GIPC2: variants seen among roughly 807,000 people sequenced by gnomAD.
GIPC2 encodes PDZ domain-containing protein GIPC2.
GIPC2 carries 30 observed loss-of-function variants against 30.6 expected under a neutral mutation model. That is an observed-to-expected ratio of 0.98 (90% CI 0.73 to 1.33). GIPC2 has a LOEUF of 1.33. Ranked by LOEUF, GIPC2 falls within the 40% of genes most tolerant of loss-of-function variation. The pLI is 0.00. For synonymous variants in GIPC2, 167 were observed against 150.0 expected, an observed-to-expected ratio of 1.11 and a Z score of -0.83; for missense variants, 414 against 390.3, an observed-to-expected ratio of 1.06 and a Z score of -0.51.
chr1:78,067,448 TTTTC>T (rs966389751), intron 1 of GIPC2, among the ~76,000 whole-genome samples: 2 of 152,118 alleles, frequency 1.3e-5, no homozygotes, highest in African/African-American at 2.4e-5. Flanking sequence ...TTTCTTTTCT[TTTTC>T]TTTTCTTTCT....
At chr1:78,054,675 G>A (rs931637962) in intron 1 of GIPC2, among the ~76,000 whole-genome samples, 4 of 152,106 alleles carry the variant, frequency 2.6e-5, no homozygotes, top group African/African-American at 9.7e-5. Flanking sequence ...CCCCTCCTGA[G>A]CACCAGCCTC....
rs139646433 is a variant in GIPC2, at chr1:78,100,212, A to AT, written c.607+5081dup. Among the ~76,000 whole-genome samples the AT allele has an allele frequency of 1.5e-3, 222 of 152,332 alleles. 1 individual carries two copies. In the East Asian group the frequency reaches 0.033, roughly 23 times the overall value. On this transcript the variant is annotated intron_variant, in intron 3 of 5. Coordinates refer to ENST00000370759, the MANE Select transcript of GIPC2 (RefSeq NM_017655.6). ...AAGAGAAGAGAAATGGTTTGGAGGA[A>AT]TAGATGGTGGTGTGCTGGAGCCATT...
intron 3 of GIPC2, among the ~76,000 whole-genome samples, chr1:78,098,770 G>C (rs1034255812): frequency 6.6e-5 from 10 of 152,084 alleles, no homozygotes; most frequent in Non-Finnish European, 1.5e-4. Context: ...AATATGACTG[G>C]TGTACTTATT....
At position 78,117,972 on chromosome 1, in the gene GIPC2, TCTCACTGTGTTGCAATCATGG is replaced by T. The variant is rs1662600936; in HGVS notation, c.608-1413_608-1393del. ...CTTTTCTTTTCTTTCTTTCACAGGG[TCTCACTGTGTTGCAATCATGG>T]CTCACTGCAGCCTTGACCACCTGAG... On this transcript the variant is annotated intron_variant, in intron 3 of 5. Coordinates refer to ENST00000370759, the MANE Select transcript of GIPC2 (RefSeq NM_017655.6). 2.0e-5 allele frequency among the ~76,000 whole-genome samples: 3 copies of T among 151,952 alleles called. No homozygotes were observed. The South Asian group carries it at 6.3e-4, about 32-fold the overall frequency.
At chr1:78,081,439 T>A (rs1571494023) in intron 2 of GIPC2, among the ~76,000 whole-genome samples, 1 of 152,296 alleles carries the variant, frequency 6.6e-6, no homozygotes, top group African/African-American at 2.4e-5. Flanking sequence ...ATTGCCATTG[T>A]GTTAGGTATT....
chr1:78,132,698 T>TGTAG (rs1553146045), intron 5 of GIPC2, among the ~76,000 whole-genome samples: 1 of 150,320 alleles, frequency 6.7e-6, no homozygotes, highest in Non-Finnish European at 1.5e-5. Context: ...TGTGTGTGTG[T>TGTAG]AGAGAGAGAA....
intron 1 of GIPC2, among the ~76,000 whole-genome samples, chr1:78,064,571 C>T (rs74089057): frequency 3.8e-4 from 58 of 152,028 alleles, no homozygotes; most frequent in African/African-American, 1.3e-3. Flanking sequence ...AAGGGAGGTG[C>T]GGGAGTGAGT....
intron 3 of GIPC2, among the ~76,000 whole-genome samples, chr1:78,101,643 C>T (rs1233051010): frequency 6.6e-6 from 1 of 152,098 alleles, no homozygotes; most frequent in African/African-American, 2.4e-5. Context: ...TAACATGGTT[C>T]CCCCTGGTCA....
At position 78,080,929 on chromosome 1, in the gene GIPC2, A is replaced by G. The variant is rs1661815747; in HGVS notation, c.426+69A>G. On this transcript the variant is annotated intron_variant, in intron 2 of 5. Transcript: ENST00000370759. ...TTTAAGAAAATCTACCAGGCCAAAG[A>G]AAGTTAGAAATGATCTTCAGAGTGA... is the stretch of plus-strand genomic sequence containing the variant. The G allele has an allele frequency of 3.5e-6, 3 of 869,338 alleles. No homozygotes were observed. The East Asian group carries it at 8.4e-5, about 24-fold the overall frequency. 53.9% of individuals were successfully genotyped at this position (869,338 alleles called of 1,614,324 possible).
At chr1:78,081,538 C>T (rs916184498) in intron 2 of GIPC2, among the ~76,000 whole-genome samples, 1 of 152,128 alleles carries the variant, frequency 6.6e-6, no homozygotes, top group African/African-American at 2.4e-5. Context: ...ACTTGAACAT[C>T]AGTGGAATTT....
chr1:78,096,825 G>A (rs575263879), intron 3 of GIPC2, among the ~76,000 whole-genome samples: 1 of 152,284 alleles, frequency 6.6e-6, no homozygotes, highest in South Asian at 2.1e-4. Context: ...TGGTAGGGCT[G>A]TTGGTTAGAA....
intron 1 of GIPC2, among the ~76,000 whole-genome samples, chr1:78,057,543 T>C (rs1467880946): frequency 6.6e-6 from 1 of 152,218 alleles, no homozygotes; most frequent in Non-Finnish European, 1.5e-5. Context: ...TTTCTTCCTG[T>C]TATGTGTATA....
chr1:78,046,779 C>T (rs1201923256), intron 1 of GIPC2, among the ~76,000 whole-genome samples: 1 of 151,312 alleles, frequency 6.6e-6, no homozygotes, highest in Admixed American at 6.6e-5. Flanking sequence ...CCTAGATTAA[C>T]GGGGGAAAAA....
chr1:78,056,123 A>G (rs1490679265), intron 1 of GIPC2, among the ~76,000 whole-genome samples: 1 of 152,092 alleles, frequency 6.6e-6, no homozygotes, highest in African/African-American at 2.4e-5. Flanking sequence ...CATTGCTTTA[A>G]TGTCTGTCTC....
chr1:78,096,357 T>C (rs1415400911), intron 3 of GIPC2, among the ~76,000 whole-genome samples: 3 of 152,130 alleles, frequency 2.0e-5, no homozygotes, highest in African/African-American at 7.2e-5. Context: ...AGGGTGTAGA[T>C]GGTTTGAGAT....
intron 1 of GIPC2, among the ~76,000 whole-genome samples, chr1:78,071,322 T>C (rs955646233): frequency 7.9e-5 from 12 of 152,142 alleles, no homozygotes; most frequent in African/African-American, 2.4e-4. Flanking sequence ...TTATTGCTAT[T>C]TTGATATTTA....
chr1:78,135,658 A>G lies in GIPC2; in HGVS notation c.863A>G (p.Glu288Gly), dbSNP rs1432411848. Residue 288 changes from glutamate to glycine, a missense_variant, in exon 6 of 6, where the codon GAA (glutamate) becomes GGA (glycine). Coordinates refer to ENST00000370759, the MANE Select transcript of GIPC2 (RefSeq NM_017655.6). ...NPDEFAVALD[E>G]TLGDFAFPDE... ...GATGAATTTGCTGTGGCACTTGACG[A>G]AACTCTTGGAGACTTTGCGTTCCCA... 1.2e-6 allele frequency: 2 copies of G among 1,612,082 alleles called. No homozygotes were observed. Among genetic ancestry groups the G allele is most frequent in the South Asian group, 2.2e-5 (2 of 90,832 alleles).
At chr1:78,112,334 C>T (rs946303170) in intron 3 of GIPC2, among the ~76,000 whole-genome samples, 1 of 152,222 alleles carries the variant, frequency 6.6e-6, no homozygotes, top group African/African-American at 2.4e-5. Flanking sequence ...AAGGGCTTCA[C>T]ATGTGCTCCA....
rs1411078371 is a variant in GIPC2 at position 78,135,801 on chromosome 1, A to G, written c.*58A>G. ...TCGTTCTTTTTTTTCTCTTTTTTAA[A>G]AAGTCCTATAAGATCTGTTTTTGGA... On this transcript the variant is annotated 3_prime_UTR_variant, in exon 6 of 6. Coordinates refer to ENST00000370759, the MANE Select transcript of GIPC2 (RefSeq NM_017655.6). The G allele has an allele frequency of 7.0e-7, 1 of 1,429,100 alleles. No individual in the cohort carries two copies. The highest frequency in any genetic ancestry group is 9.7e-7 in the Non-Finnish European group (1 of 1,035,028). The allele number at this position is 1,429,100 out of a possible 1,614,324, so 88.5% of individuals were successfully genotyped here. A position where few individuals can be genotyped will look rare whatever the true frequency, so the allele number is the denominator to read the frequency against.
Sources: allele counts gnomAD v4.1 joint callset (sites outside exome capture counted in the v4.1 genomes callset), GRCh38; gene constraint gnomAD v4.1.1; transcripts MANE v1.5; gene names NCBI Gene and HGNC (gene_info 2026-07-23, HGNC 2026-07-21).